PTPRF: variants seen among roughly 807,000 people sequenced by gnomAD.
PTPRF encodes the protein receptor-type tyrosine-protein phosphatase F.
Under a neutral mutation model 201.8 loss-of-function variants are expected in PTPRF, and 59 were observed. That is an observed-to-expected ratio of 0.29 (90% CI 0.24 to 0.36). The LOEUF (loss-of-function observed/expected upper bound fraction) is 0.36, where lower values mean the gene tolerates loss of function less well. PTPRF is among the 10% of genes least tolerant of loss of function. The pLI is 1.00. For missense variants in PTPRF, 2,132 were observed against 2,690.5 expected (o/e 0.79, Z 4.59); for synonymous variants, 1,088 against 1,089.7 (o/e 1.00, Z 0.03).
intron 6 of PTPRF, among the ~76,000 whole-genome samples, chr1:43,572,142 C>T (rs1178869777): frequency 6.6e-6 from 1 of 152,236 alleles, no homozygotes; most frequent in African/African-American, 2.4e-5. Flanking sequence ...GCTGCTGCCT[C>T]AGGCCTCACC....
At position 43,530,885 on chromosome 1, in the gene PTPRF, CGGGAGCGGT is replaced by C. The variant is rs1013512229; in HGVS notation, c.-328_-320del. Reference sequence around the variant, plus strand: ...GCGGCTGGAGCTGGCGCGGGAGCGGCGGGAGCGGTGGCGGCGGCAGAGGCGGCGGCTCCA... The same window carrying C: ...GCGGCTGGAGCTGGCGCGGGAGCGGCGGCGGCGGCAGAGGCGGCGGCTCCA... On this transcript the variant is annotated 5_prime_UTR_variant, in exon 1 of 34. Transcript: ENST00000359947. This position sits in a 1 kb window ranked among gnomAD's most constrained non-coding sequence, Gnocchi z 4.1. The C allele has an allele frequency of 6.6e-5, 10 of 152,006 alleles. No homozygotes were observed. Among genetic ancestry groups the C allele is most frequent in the Admixed American group, 1.3e-4 (2 of 15,066 alleles). 9.4% of individuals were successfully genotyped at this position (152,006 alleles called of 1,614,324 possible).
chr1:43,537,648 T>C lies in PTPRF; in HGVS notation c.-125-550T>C, dbSNP rs79437326. Among the ~76,000 whole-genome samples, 1,953 of 152,336 alleles carry C rather than the reference T, an allele frequency of 0.013. 39 individuals carry two copies. Among genetic ancestry groups the C allele is most frequent in the African/African-American group, 0.043 (1,795 of 41,570 alleles). Reference sequence around the variant, plus strand: ...GGTCCAGGCAGGTAGTCTGGGACATTGTGGAAGGCTTCCCTGAGAAAGTGC... The same window carrying C: ...GGTCCAGGCAGGTAGTCTGGGACATCGTGGAAGGCTTCCCTGAGAAAGTGC... On this transcript the variant is annotated intron_variant, in intron 1 of 33. Transcript: ENST00000359947. This position sits in a 1 kb window ranked among gnomAD's most constrained non-coding sequence, Gnocchi z 4.8.
intron 27 of PTPRF, 37 bp from the exon 28 acceptor site, chr1:43,619,251 G>T (rs749026040): frequency 1.2e-6 from 2 of 1,609,144 alleles, no homozygotes; most frequent in South Asian, 2.2e-5. Context: ...TGGGAGGTGG[G>T]GGCGCCTGTG....
intron 7 of PTPRF, among the ~76,000 whole-genome samples, chr1:43,581,228 C>T (rs1647526532): frequency 6.6e-6 from 1 of 152,236 alleles, no homozygotes; most frequent in South Asian, 2.1e-4. Flanking sequence ...TCTACCAGCT[C>T]TTCTTGAATC....
intron 5 of PTPRF, among the ~76,000 whole-genome samples, chr1:43,558,895 C>T (rs777959695): frequency 2.8e-4 from 43 of 152,104 alleles, no homozygotes; most frequent in Admixed American, 1.3e-3. Flanking sequence ...AAGGACTGGC[C>T]GGGAAAGCCC....
At chr1:43,604,297 G>A (rs1654513959) in intron 16 of PTPRF, 108 bp downstream of exon 16, 3 of 1,152,860 alleles carry the variant, frequency 2.6e-6, no homozygotes, top group Admixed American at 2.4e-5. Context: ...AGCCTCTGGT[G>A]TGTGACCTCC....
At chr1:43,548,377 G>A (rs926634510) in intron 3 of PTPRF, among the ~76,000 whole-genome samples, 3 of 151,998 alleles carry the variant, frequency 2.0e-5, no homozygotes, top group Non-Finnish European at 4.4e-5. Flanking sequence ...TGAGGAGCTG[G>A]GAGTGTGTCT....
chr1:43,587,009 A>G (rs1171907659), intron 7 of PTPRF, among the ~76,000 whole-genome samples: 1 of 152,202 alleles, frequency 6.6e-6, no homozygotes, highest in Non-Finnish European at 1.5e-5. Flanking sequence ...AGATACTCTC[A>G]TGCCCTAGGT....
chr1:43,532,309 G>C (rs368047474), intron 1 of PTPRF, among the ~76,000 whole-genome samples: 1 of 152,212 alleles, frequency 6.6e-6, no homozygotes, highest in African/African-American at 2.4e-5. Flanking sequence ...GAGCAGGTTG[G>C]GGGTGGGGAG....
intron 28 of PTPRF, 25 bp downstream of exon 28, chr1:43,619,598 G>A: frequency 1.2e-6 from 2 of 1,610,452 alleles, no homozygotes; most frequent in African/African-American, 2.7e-5. Flanking sequence ...GGCCTGCTTG[G>A]CTCCAGGGCC....
At chr1:43,605,093 G>C in intron 17 of PTPRF, 93 bp downstream of exon 17, 1 of 1,574,132 alleles carries the variant, frequency 6.4e-7, no homozygotes, top group South Asian at 1.2e-5. Context: ...TCCGGCTGTG[G>C]AGCAGGAATG....
At position 43,569,795 on chromosome 1, in the gene PTPRF, G is replaced by A. The variant is rs1443497814; in HGVS notation, c.568+17G>A. The A allele has an allele frequency of 1.3e-6, 2 of 1,596,736 alleles. No homozygotes were observed. Among genetic ancestry groups the A allele is most frequent in the Non-Finnish European group, 1.7e-6 (2 of 1,169,586 alleles). On this transcript the variant is annotated intron_variant, in intron 6 of 33. Coordinates refer to ENST00000359947, the MANE Select transcript of PTPRF (RefSeq NM_002840.5). Reference sequence around the variant, plus strand: ...TGCGTTCAGGTGAGCAGAGGGCAGGGGTCAAGGGGCCATGCAGACCTCAGA... The same window carrying A: ...TGCGTTCAGGTGAGCAGAGGGCAGGAGTCAAGGGGCCATGCAGACCTCAGA...
intron 2 of PTPRF, among the ~76,000 whole-genome samples, chr1:43,543,463 C>T (rs926211404): frequency 6.6e-5 from 10 of 152,202 alleles, no homozygotes; most frequent in East Asian, 1.9e-4. Context: ...CACCCTTCAC[C>T]GTTCTTACTT....
intron 5 of PTPRF, among the ~76,000 whole-genome samples, chr1:43,567,911 GAGAC>G (rs998269548): frequency 5.9e-5 from 9 of 152,266 alleles, no homozygotes; most frequent in Admixed American, 3.3e-4. Context: ...CCTTCCCCAG[GAGAC>G]AGACAAAGAA....
intron 5 of PTPRF, among the ~76,000 whole-genome samples, chr1:43,560,455 G>A (rs1185987260): frequency 2.0e-5 from 3 of 152,056 alleles, no homozygotes; most frequent in Non-Finnish European, 4.4e-5. Flanking sequence ...GTGTGTAGGT[G>A]TGCCTCGGGA....
chr1:43,552,473 T>C (rs1645098658), intron 3 of PTPRF, among the ~76,000 whole-genome samples: 2 of 152,210 alleles, frequency 1.3e-5, no homozygotes, highest in Non-Finnish European at 2.9e-5. Flanking sequence ...GAGTGGGTGC[T>C]TGGCAAAGGA....
At chr1:43,533,054 TCA>T (rs1434724166) in intron 1 of PTPRF, among the ~76,000 whole-genome samples, 5 of 152,258 alleles carry the variant, frequency 3.3e-5, no homozygotes, top group Non-Finnish European at 5.9e-5. Context: ...TTTTACTTGC[TCA>T]GTCTCTTATT....
chr1:43,553,484 T>G lies in PTPRF; in HGVS notation c.92-8T>G. 1 of 1,613,412 alleles carries G rather than the reference T, an allele frequency of 6.2e-7. No homozygotes were observed. Among genetic ancestry groups the G allele is most frequent in the Non-Finnish European group, 8.5e-7 (1 of 1,179,480 alleles). ...GCTGTGGTGACTTGGTGTCTCCATC[T>G]CTTCCAGGCAAACCTGTCTTCATTA... On this transcript the variant is annotated splice_polypyrimidine_tract_variant and splice_region_variant and intron_variant, in intron 3 of 33. Transcript: ENST00000359947. The surrounding 1 kb of genome is among the most constrained non-coding windows in gnomAD (Gnocchi z 4.1).
At chr1:43,618,874 G>A in intron 26 of PTPRF, 125 bp downstream of exon 26, 1 of 1,462,226 alleles carries the variant, frequency 6.8e-7, no homozygotes, top group South Asian at 1.3e-5. Context: ...TCAGGTGTGT[G>A]AGTGATGTGA....
Sources: gnomAD v4.1 joint callset for allele counts (sites outside exome capture counted in the v4.1 genomes callset) on GRCh38, gnomAD v4.1.1 for gene constraint, Gnocchi (gnomAD v3.1) non-coding constraint, MANE v1.5 for transcripts, NCBI Gene and HGNC (gene_info 2026-07-23, HGNC 2026-07-21) for gene names.